DPYD: variants seen among roughly 807,000 people sequenced by gnomAD.
DPYD encodes the protein dihydropyrimidine dehydrogenase.
DPYD carries 109 observed loss-of-function variants against 116.2 expected under a neutral mutation model. The ratio of observed to expected loss-of-function variants is 0.94; its 90% confidence interval spans 0.80 to 1.10. The LOEUF (loss-of-function observed/expected upper bound fraction) is 1.10. Ranked by LOEUF, DPYD falls within the 50% of genes least tolerant of loss-of-function variation. The pLI, the probability that DPYD is intolerant of heterozygous loss-of-function variation, is 0.00. For missense variants in DPYD, 1,302 were observed against 1,254.5 expected, an observed-to-expected ratio of 1.04 and a Z score of -0.57; for synonymous variants, 440 against 432.0, an observed-to-expected ratio of 1.02 and a Z score of -0.23.
intron 18 of DPYD, among the ~76,000 whole-genome samples, chr1:97,284,383 A>G (rs939154990): frequency 1.3e-5 from 2 of 152,100 alleles, no homozygotes; most frequent in Non-Finnish European, 2.9e-5. Flanking sequence ...TGATACTGAA[A>G]TTTTAGAATG....
intron 3 of DPYD, among the ~76,000 whole-genome samples, chr1:97,822,121 T>A (rs1447675695): frequency 6.6e-6 from 1 of 151,332 alleles, no homozygotes; most frequent in Non-Finnish European, 1.5e-5. Context: ...CAAAAAATTA[T>A]CTTTACGCCA....
chr1:97,245,998 T>G (rs1662691822), intron 18 of DPYD, among the ~76,000 whole-genome samples: 1 of 152,108 alleles, frequency 6.6e-6, no homozygotes, highest in East Asian at 1.9e-4. Context: ...GTACAGCAGT[T>G]GATGGCGTTT....
chr1:97,204,392 G>A (rs1249817787), intron 19 of DPYD, among the ~76,000 whole-genome samples: 1 of 152,038 alleles, frequency 6.6e-6, no homozygotes, highest in Non-Finnish European at 1.5e-5. Flanking sequence ...TGGATCTACT[G>A]GAACATGGTT....
chr1:97,681,049 A>T (rs1042425484), intron 7 of DPYD, among the ~76,000 whole-genome samples: 1 of 152,158 alleles, frequency 6.6e-6, no homozygotes, highest in Non-Finnish European at 1.5e-5. Context: ...TACACTGAAT[A>T]GTGCACCTAA....
intron 14 of DPYD, among the ~76,000 whole-genome samples, chr1:97,384,584 T>C (rs914770223): frequency 6.6e-6 from 1 of 151,996 alleles, no homozygotes; most frequent in African/African-American, 2.4e-5. Context: ...TACCATAAGT[T>C]AGAGAAGTGA....
chr1:97,238,160 C>A (rs893261462), intron 18 of DPYD, among the ~76,000 whole-genome samples: 1 of 152,024 alleles, frequency 6.6e-6, no homozygotes, highest in Non-Finnish European at 1.5e-5. Flanking sequence ...TCCTTTCTAA[C>A]GCTTTTATAA....
chr1:97,227,764 T>C (rs1661288266), intron 19 of DPYD, among the ~76,000 whole-genome samples: 1 of 152,074 alleles, frequency 6.6e-6, no homozygotes, highest in African/African-American at 2.4e-5. Flanking sequence ...TAGCACTATA[T>C]ACCGAAGTAT....
intron 5 of DPYD, among the ~76,000 whole-genome samples, chr1:97,704,350 T>C (rs1483706517): frequency 1.3e-5 from 2 of 152,070 alleles, no homozygotes; most frequent in East Asian, 3.9e-4. Flanking sequence ...GTTGGCATTA[T>C]ATGAAAAATG....
At chr1:97,175,977 C>T (rs998789117) in intron 20 of DPYD, among the ~76,000 whole-genome samples, 1 of 152,278 alleles carries the variant, frequency 6.6e-6, no homozygotes, top group East Asian at 1.9e-4. Flanking sequence ...ACATTTTCCC[C>T]TGTACTTGAC....
chr1:97,842,245 A>C (rs1670074815), intron 2 of DPYD, among the ~76,000 whole-genome samples: 1 of 152,008 alleles, frequency 6.6e-6, no homozygotes, highest in Admixed American at 6.5e-5. Flanking sequence ...CATATTAAAT[A>C]TTTCAACTTG....
chr1:97,446,682 T>C (rs1676103743), intron 14 of DPYD, among the ~76,000 whole-genome samples: 1 of 152,130 alleles, frequency 6.6e-6, no homozygotes, highest in Non-Finnish European at 1.5e-5. Context: ...GATAAAAAAT[T>C]TCAGTCTTTG....
chr1:97,556,511 C>T (rs1454284816), intron 11 of DPYD, among the ~76,000 whole-genome samples: 1 of 110,512 alleles, frequency 9.0e-6, no homozygotes, highest in Non-Finnish European at 1.8e-5. Context: ...CCCCCTCCCC[C>T]CACCCCACAA....
chr1:97,190,138 G>A (rs1658255364), intron 20 of DPYD, among the ~76,000 whole-genome samples: 1 of 152,136 alleles, frequency 6.6e-6, no homozygotes, highest in South Asian at 2.1e-4. Flanking sequence ...TGTCCTACAT[G>A]CAGTTTCTTC....
chr1:97,910,626 C>A (rs9727974), intron 1 of DPYD, among the ~76,000 whole-genome samples: 148,351 of 152,214 alleles, frequency 0.97, 72,420 homozygotes, highest in Middle Eastern at 1. Context: ...CAGAGCTAGG[C>A]TGTGAACATT....
At chr1:97,157,803 C>A (rs1655584221) in intron 20 of DPYD, among the ~76,000 whole-genome samples, 1 of 152,022 alleles carries the variant, frequency 6.6e-6, no homozygotes, top group Non-Finnish European at 1.5e-5. Context: ...ATAAGCTCTC[C>A]TTTACTTTTG....
intron 8 of DPYD, among the ~76,000 whole-genome samples, chr1:97,645,309 A>G (rs1658193027): frequency 6.6e-6 from 1 of 152,150 alleles, no homozygotes; most frequent in African/African-American, 2.4e-5. Flanking sequence ...AGTGTGATAG[A>G]TAAAATGGTA....
chr1:97,576,918 T>C (rs1034128785), intron 10 of DPYD, among the ~76,000 whole-genome samples: 2 of 152,232 alleles, frequency 1.3e-5, no homozygotes, highest in African/African-American at 4.8e-5. Flanking sequence ...TTCTGCTATT[T>C]AGCTCGATAG....
At chr1:97,253,456 G>C (rs907518763) in intron 18 of DPYD, among the ~76,000 whole-genome samples, 1 of 152,082 alleles carries the variant, frequency 6.6e-6, no homozygotes, top group East Asian at 1.9e-4. Flanking sequence ...ATATGTGAGG[G>C]TATTGTTTTA....
intron 12 of DPYD, among the ~76,000 whole-genome samples, chr1:97,533,804 T>G (rs1487798873): frequency 6.6e-6 from 1 of 152,160 alleles, no homozygotes; most frequent in Non-Finnish European, 1.5e-5. Context: ...GGATAGAGTG[T>G]GAAGAGAAAA....
Sources: allele counts gnomAD v4.1 joint callset (sites outside exome capture counted in the v4.1 genomes callset), GRCh38; gene constraint gnomAD v4.1.1; transcripts MANE v1.5; gene names NCBI Gene and HGNC (gene_info 2026-07-23, HGNC 2026-07-21).